The following FES variants were observed in gnomAD, a reference collection of about 807,000 sequenced individuals.
FES encodes tyrosine-protein kinase Fes/Fps.
A neutral mutation model predicts 109.6 loss-of-function variants in FES; 83 were observed. The ratio of observed to expected loss-of-function variants is 0.76; its 90% confidence interval spans 0.63 to 0.91. The LOEUF (loss-of-function observed/expected upper bound fraction) is 0.91. Ranked by LOEUF, FES falls within the 40% of genes least tolerant of loss-of-function variation. The pLI is 0.00. For synonymous variants in FES, 458 were observed against 442.1 expected (o/e 1.04, Z -0.45); for missense variants, 943 against 1,070.9 (o/e 0.88, Z 1.67).
chr15:90,889,453 G>A lies in FES; in HGVS notation c.806+10G>A, dbSNP rs374646112. 11 of 1,613,810 alleles carry A rather than the reference G, an allele frequency of 6.8e-6. No individual in the cohort carries two copies. Among genetic ancestry groups the A allele is most frequent in the East Asian group, 4.5e-5 (2 of 44,880 alleles). On this transcript the variant is annotated intron_variant, in intron 6 of 18. Coordinates refer to ENST00000328850, the MANE Select transcript of FES (RefSeq NM_002005.4). This position sits in a 1 kb window ranked among gnomAD's most constrained non-coding sequence, Gnocchi z 6.1. ...TCCTGCGACAGTATGGGTAAGCCCCGTCCTTGCTCCTGCTGGGCCCAGGGC... is the reference window on the plus strand; with the variant it reads ...TCCTGCGACAGTATGGGTAAGCCCCATCCTTGCTCCTGCTGGGCCCAGGGC...
Position 90,890,195 on chromosome 15 carries a change from C to T in FES, c.1153C>T (p.Gln385Ter). Reference sequence around the variant, plus strand: ...GCTGCAGGCCCAGCAGGAGTTGCTGCAGACCAAGCTGGAGCACCTGGGCCC... The same window carrying T: ...GCTGCAGGCCCAGCAGGAGTTGCTGTAGACCAAGCTGGAGCACCTGGGCCC... ...AKLQAQQELL[Q>*]TKLEHLGPGE... The change falls in exon 9 of 19, where the codon CAG becomes TAG. Residue 385 changes from glutamine (Q) to a stop codon, truncating the protein, a stop_gained. Coordinates refer to ENST00000328850, the MANE Select transcript of FES (RefSeq NM_002005.4). LOFTEE classifies it high-confidence loss of function. The T allele has an allele frequency of 6.2e-7, 1 of 1,602,188 alleles. No individual in the cohort carries two copies. Among genetic ancestry groups the T allele is most frequent in the South Asian group, 1.1e-5 (1 of 90,838 alleles).
chr15:90,885,522 A>G lies in FES; in HGVS notation c.324A>G (p.Glu108=). 1 of 1,613,280 alleles carries G rather than the reference A, an allele frequency of 6.2e-7. No individual in the cohort carries two copies. Residue 108 remains glutamate (E), a synonymous_variant, in exon 3 of 19, where the codon GAA becomes GAG. Coordinates refer to ENST00000328850, the MANE Select transcript of FES (RefSeq NM_002005.4). ...GCAAGCTGAGCCTGCTCATCCGGGA[A>G]CGGCAGCAGCTTCGCAAGACCTACA... ...PLSKLSLLIR[E]RQQLRKTYSE...
rs2151240165 is a variant in FES at position 90,885,073 on chromosome 15, C to A, written c.28C>A (p.Pro10Thr). MGFSSELCSPQGHGVLQQMQ... is the reference protein window; with the variant it reads MGFSSELCSTQGHGVLQQMQ... ...GGGCTTCTCTTCCGAGCTGTGCAGC[C>A]CCCAGGGCCACGGGGTCCTGCAGCA... Residue 10 changes from proline (P) to threonine (T), a missense_variant, in exon 2 of 19, where the codon CCC becomes ACC. Pro to Thr is a conservative substitution (Grantham distance 38, BLOSUM62 -1). Coordinates refer to ENST00000328850, the MANE Select transcript of FES (RefSeq NM_002005.4). 1.2e-6 allele frequency: 2 copies of A among 1,612,952 alleles called. No individual in the cohort carries two copies. Among genetic ancestry groups the A allele is most frequent in the African/African-American group, 2.7e-5 (2 of 75,066 alleles).
intron 5 of FES, among the ~76,000 whole-genome samples, chr15:90,888,805 G>GTCTCAT: frequency 6.6e-6 from 1 of 150,814 alleles, no homozygotes. Flanking sequence ...TAGAGATGTA[G>GTCTCAT]TCTCATTCTT....
chr15:90,895,535 A>G lies in FES; in HGVS notation c.2446A>G (p.Ser816Gly), dbSNP rs911350940. 1.3e-6 allele frequency: 2 copies of G among 1,589,446 alleles called. No homozygotes were observed. Among genetic ancestry groups the G allele is most frequent in the Non-Finnish European group, 1.7e-6 (2 of 1,165,886 alleles). The stretch of plus-strand genomic sequence containing the variant: ...CAGCACCATCTACCAGGAGCTGCAG[A>G]GCATCCGAAAGCGGCATCGGTGAGG... ...SFSTIYQELQ[S>G]IRKRHR Residue 816 changes from serine (S) to glycine (G), a missense_variant, in exon 19 of 19, where the codon AGC becomes GGC. Ser to Gly is a moderately conservative substitution (Grantham distance 56). Coordinates refer to ENST00000328850, the MANE Select transcript of FES (RefSeq NM_002005.4).
rs1300098208 is a variant in FES at position 90,890,201 on chromosome 15, A to T, written c.1159A>T (p.Lys387Ter). ...GGCCCAGCAGGAGTTGCTGCAGACC[A>T]AGCTGGAGCACCTGGGCCCCGGCGA... Reference protein sequence around the residue: ...LQAQQELLQTKLEHLGPGEPP... With the variant: ...LQAQQELLQT The change falls in exon 9 of 19, where the codon AAG (lysine) becomes TAG (stop). Residue 387 changes from lysine (K) to a stop codon, truncating the protein, a stop_gained. Coordinates refer to ENST00000328850, the MANE Select transcript of FES (RefSeq NM_002005.4). LOFTEE classifies it high-confidence loss of function. 6.2e-7 allele frequency: 1 copy of T among 1,602,030 alleles called. No individual in the cohort carries two copies. The highest frequency in any genetic ancestry group is 1.1e-5 in the South Asian group (1 of 90,906).
In FES at chr15:90,887,318, C is replaced by T; in HGVS notation, c.616C>T (p.Pro206Ser). The T allele has an allele frequency of 6.2e-7, 1 of 1,613,136 alleles. No homozygotes were observed. The highest frequency in any genetic ancestry group is 8.5e-7 in the Non-Finnish European group (1 of 1,180,022). ...HHQHHHQLLLPGLLRSLQDLH... is the reference protein window; with the variant it reads ...HHQHHHQLLLSGLLRSLQDLH... ...CCAGCACCACCACCAGCTCCTGCTG[C>T]CCGGCCTGCTGCGGTCACTGCAGGA... Residue 206 changes from proline to serine, a missense_variant, in exon 5 of 19, where the codon CCC (proline) becomes TCC (serine). Pro to Ser is a moderately conservative substitution (Grantham distance 74, BLOSUM62 -1). Transcript: ENST00000328850.
At position 90,889,438 on chromosome 15, in the gene FES, G is replaced by A; in HGVS notation, c.801G>A (p.Gln267=). The change falls in exon 6 of 19, where the codon CAG becomes CAA. Residue 267 remains glutamine, a synonymous_variant. Transcript: ENST00000328850. This position sits in a 1 kb window ranked among gnomAD's most constrained non-coding sequence, Gnocchi z 6.1. The stretch of plus-strand genomic sequence containing the variant: ...CTGAGTACCAAGGCTTCCTGCGACA[G>A]TATGGGTAAGCCCCGTCCTTGCTCC... ...PEAEYQGFLR[Q]YGSAPDVPPC... 6.2e-7 allele frequency: 1 copy of A among 1,614,052 alleles called. No individual in the cohort carries two copies. Among genetic ancestry groups the A allele is most frequent in the Non-Finnish European group, 8.5e-7 (1 of 1,180,008 alleles).
chr15:90,890,127 A>C lies in FES; in HGVS notation c.1085A>C (p.Glu362Ala), dbSNP rs1331211592. ...CTGGGCAAGAGGCAAGTGCTGCAAG[A>C]AGCACTGCAGGGGCTGCAGGTAGCG... Reference protein sequence around the residue: ...QLLGKRQVLQEALQGLQVALC... With the variant: ...QLLGKRQVLQAALQGLQVALC... The change falls in exon 9 of 19, where the codon GAA becomes GCA. Residue 362 changes from glutamate (E) to alanine (A), a missense_variant. Transcript: ENST00000328850. 2 of 1,578,222 alleles carry C rather than the reference A, an allele frequency of 1.3e-6. No individual in the cohort carries two copies. Among genetic ancestry groups the C allele is most frequent in the Middle Eastern group, 2.0e-4 (1 of 4,906 alleles).
At position 90,885,396 on chromosome 15, in the gene FES, C is replaced by A. The variant is rs753514439; in HGVS notation, c.214-16C>A. ...ATTGTGCCCCCCTCCCTGCCTCCCC[C>A]ATCTGTGCTGTATAGTCCTGGGCTG... On this transcript the variant is annotated splice_polypyrimidine_tract_variant and intron_variant, in intron 2 of 18. Coordinates refer to ENST00000328850, the MANE Select transcript of FES (RefSeq NM_002005.4). 3 of 1,605,296 alleles carry A rather than the reference C, an allele frequency of 1.9e-6. No homozygotes were observed. The highest frequency in any genetic ancestry group is 2.2e-5 in the East Asian group (1 of 44,730).
At chr15:90,886,231 C>G (rs1310158716) in intron 3 of FES, among the ~76,000 whole-genome samples, 2 of 152,240 alleles carry the variant, frequency 1.3e-5, no homozygotes, top group African/African-American at 4.8e-5. Flanking sequence ...CCCAAAAGAT[C>G]ATCTGATTCA....
chr15:90,893,719 T>C lies in FES; in HGVS notation c.2111T>C (p.Met704Thr). The C allele has an allele frequency of 1.2e-6, 2 of 1,611,914 alleles. No homozygotes were observed. Among genetic ancestry groups the C allele is most frequent in the Admixed American group, 3.3e-5 (2 of 59,806 alleles). Residue 704 changes from methionine to threonine, a missense_variant, in exon 17 of 19, where the codon ATG becomes ACG. By Grantham distance (81) the Met-to-Thr change is moderately conservative. Coordinates refer to ENST00000328850, the MANE Select transcript of FES (RefSeq NM_002005.4). Reference sequence around the variant, plus strand: ...GTCCTGAAGATCAGTGACTTTGGGATGTCCCGAGAGGAAGCCGATGGGGTC... The same window carrying C: ...GTCCTGAAGATCAGTGACTTTGGGACGTCCCGAGAGGAAGCCGATGGGGTC... ...KNVLKISDFG[M>T]SREEADGVYA...
chr15:90,894,167 A>C, intron 18 of FES, 109 bp downstream of exon 18: 1 of 1,329,308 alleles, frequency 7.5e-7, no homozygotes. Flanking sequence ...CAGAATAAGA[A>C]TAACCTGGCC....
chr15:90,890,705 C>T (rs539653804), intron 10 of FES, among the ~76,000 whole-genome samples: 1 of 99,996 alleles, frequency 1.0e-5, no homozygotes, highest in East Asian at 2.7e-4. Context: ...TTCCATGGCT[C>T]TCCCTGCTTC....
At position 90,891,280 on chromosome 15, in the gene FES, T is replaced by C. The variant is rs1345958210; in HGVS notation, c.1530+89T>C. 6 of 1,453,198 alleles carry C rather than the reference T, an allele frequency of 4.1e-6. No individual in the cohort carries two copies. The African/African-American group carries it at 5.6e-5, about 14-fold the overall frequency. 90.0% of individuals were successfully genotyped at this position (1,453,198 alleles called of 1,614,324 possible). A position where few individuals can be genotyped will look rare whatever the true frequency, so the allele number is the denominator to read the frequency against. On this transcript the variant is annotated intron_variant, in intron 11 of 18. Coordinates refer to ENST00000328850, the MANE Select transcript of FES (RefSeq NM_002005.4). ...GGAAATGGCCTTTCAGGGTAGGGGG[T>C]AGCTGCCAGGTCTTGGATGCCTCCC...
Position 90,887,212 on chromosome 15 carries a change from C to G in FES, c.510C>G (p.Asp170Glu). Residue 170 changes from aspartate (D) to glutamate (E), a missense_variant, in exon 5 of 19, where the codon GAC becomes GAG. Asp to Glu is a conservative substitution (Grantham distance 45). Coordinates refer to ENST00000328850, the MANE Select transcript of FES (RefSeq NM_002005.4). ...ACAAGGACCGTGACAAGGCTAAGGA[C>G]AAGTATGTGCGCAGCCTGTGGAAGC... Reference protein sequence around the residue: ...SKDKDRDKAKDKYVRSLWKLF... With the variant: ...SKDKDRDKAKEKYVRSLWKLF... The G allele has an allele frequency of 6.2e-7, 1 of 1,613,574 alleles. No homozygotes were observed. The highest frequency in any genetic ancestry group is 8.5e-7 in the Non-Finnish European group (1 of 1,179,922).
In FES at chr15:90,885,090, CCTG is replaced by C; in HGVS notation, c.47_49del (p.Leu16del). On this transcript the variant is annotated inframe_deletion, in exon 2 of 19. Transcript: ENST00000328850. ...TGTGCAGCCCCCAGGGCCACGGGGT[CCTG>C]CAGCAAATGCAGGAGGCCGAGCTTC... 1.2e-6 allele frequency: 2 copies of C among 1,613,530 alleles called. No individual in the cohort carries two copies. The highest frequency in any genetic ancestry group is 1.7e-6 in the Non-Finnish European group (2 of 1,179,988).
Position 90,884,843 on chromosome 15 carries a change from C to G in FES, c.-9-194C>G. ...CGAACGTGCGGAGGAGACCCTGACG[C>G]TAAGGAAGCAATGAGGGCCAGTCCC... On this transcript the variant is annotated intron_variant, in intron 1 of 18. Transcript: ENST00000328850. The G allele has an allele frequency of 5.2e-6, 3 of 577,282 alleles. No individual in the cohort carries two copies. The South Asian group carries it at 6.7e-5, about 13-fold the overall frequency. 35.8% of individuals were successfully genotyped at this position (577,282 alleles called of 1,614,324 possible). A position where few individuals can be genotyped will look rare whatever the true frequency, so the allele number is the denominator to read the frequency against.
rs941095559 is a variant in FES at position 90,893,474 on chromosome 15, A to G, written c.2045+60A>G. 2.3e-4 allele frequency: 343 copies of G among 1,510,552 alleles called. 1 individual carries two copies. The highest frequency in any genetic ancestry group is 4.5e-5 in the Admixed American group (2 of 44,410). The allele number at this position is 1,510,552 out of a possible 1,614,324, so 93.6% of individuals were successfully genotyped here. ...CCCCGACCAGAGTCAAGAGGTACCT[A>G]TACCCCTAGGGCCCCCCGCTGGACC... On this transcript the variant is annotated intron_variant, in intron 16 of 18. Transcript: ENST00000328850.
Sources: allele counts gnomAD v4.1 joint callset (sites outside exome capture counted in the v4.1 genomes callset), GRCh38; gene constraint gnomAD v4.1.1; non-coding constraint Gnocchi (gnomAD v3.1); transcripts MANE v1.5; gene names NCBI Gene and HGNC (gene_info 2026-07-23, HGNC 2026-07-21).